PDE1C: variants seen among roughly 807,000 people sequenced by gnomAD.
PDE1C encodes the protein dual specificity calcium/calmodulin-dependent 3',5'-cyclic nucleotide phosphodiesterase 1C.
A neutral mutation model predicts 93.1 loss-of-function variants in PDE1C; 62 were observed. The ratio of observed to expected loss-of-function variants is 0.67; its 90% CI spans 0.54 to 0.82. The LOEUF is 0.82. PDE1C is among the 40% of genes least tolerant of loss of function. PDE1C has a pLI of 0.00. For missense variants in PDE1C, 742 were observed against 884.6 expected (o/e 0.84, Z 2.04); for synonymous variants, 325 against 310.1 (o/e 1.05, Z -0.50).
At chr7:32,272,668 C>CCCAG (rs1437698684) in intron 1 of PDE1C, among the ~76,000 whole-genome samples, 1 of 152,148 alleles carries the variant, frequency 6.6e-6, no homozygotes, top group Non-Finnish European at 1.5e-5. Context: ...GTGCAATGGA[C>CCCAG]CCAGTCCCAT....
chr7:32,042,326 C>CA (rs919855411), intron 2 of PDE1C, among the ~76,000 whole-genome samples: 6 of 151,800 alleles, frequency 4.0e-5, no homozygotes, highest in East Asian at 1.9e-4. Flanking sequence ...AGAAAACAGA[C>CA]AAAAAAAACT....
At chr7:32,297,834 CCT>C (rs1412018166) in intron 1 of PDE1C, among the ~76,000 whole-genome samples, 1 of 152,010 alleles carries the variant, frequency 6.6e-6, no homozygotes, top group East Asian at 1.9e-4. Context: ...CTCCCTGCGG[CCT>C]CTCTCTCAGA....
chr7:31,988,616 G>A (rs1006462747), intron 2 of PDE1C, among the ~76,000 whole-genome samples: 1 of 152,266 alleles, frequency 6.6e-6, no homozygotes, highest in African/African-American at 2.4e-5. Context: ...AGCTACTTGG[G>A]AGACTGAAGC....
chr7:32,311,749 G>A (rs1426354603), intron 1 of PDE1C, among the ~76,000 whole-genome samples: 25 of 152,000 alleles, frequency 1.6e-4, no homozygotes, highest in East Asian at 7.7e-4. Flanking sequence ...TTGATGGGAC[G>A]TATCTCAAAA....
At chr7:32,208,376 C>T (rs969155591) in intron 2 of PDE1C, among the ~76,000 whole-genome samples, 3 of 152,018 alleles carry the variant, frequency 2.0e-5, no homozygotes, top group African/African-American at 4.8e-5. Context: ...TCCTCCCTGG[C>T]CACAATTTCA....
intron 1 of PDE1C, among the ~76,000 whole-genome samples, chr7:32,065,425 C>T (rs1795284053): frequency 6.6e-6 from 1 of 152,176 alleles, no homozygotes; most frequent in African/African-American, 2.4e-5. Context: ...AGAATGAATA[C>T]ACAATTCACT....
chr7:31,972,183 C>T (rs958473480), intron 2 of PDE1C, among the ~76,000 whole-genome samples: 5 of 152,128 alleles, frequency 3.3e-5, no homozygotes, highest in African/African-American at 9.7e-5. Flanking sequence ...TATACAACCA[C>T]GTATTATTAA....
chr7:31,809,425 T>C (rs778303397), intron 15 of PDE1C, among the ~76,000 whole-genome samples: 33 of 152,190 alleles, frequency 2.2e-4, no homozygotes, highest in Non-Finnish European at 4.1e-4. Flanking sequence ...TTCTACCAAT[T>C]AATAGCTATT....
At chr7:31,985,824 T>C (rs1271258372) in intron 2 of PDE1C, among the ~76,000 whole-genome samples, 6 of 152,252 alleles carry the variant, frequency 3.9e-5, no homozygotes, top group Admixed American at 3.9e-4. Context: ...CTATCATTGA[T>C]GGACATTTGG....
intron 1 of PDE1C, among the ~76,000 whole-genome samples, chr7:32,343,035 T>G (rs1405793353): frequency 1.3e-5 from 2 of 152,156 alleles, no homozygotes; most frequent in Non-Finnish European, 2.9e-5. Context: ...AGGGCTCCTG[T>G]GAAATAGTTA....
intron 14 of PDE1C, among the ~76,000 whole-genome samples, chr7:31,822,302 G>A (rs1262181581): frequency 1.3e-5 from 2 of 152,070 alleles, no homozygotes; most frequent in Non-Finnish European, 1.5e-5. Flanking sequence ...TCCCTACCTG[G>A]AATCAGACAT....
Position 31,815,915 on chromosome 7 carries a change from T to A in PDE1C, c.1813+9A>T, listed in dbSNP as rs368844142. The A allele has an allele frequency of 8.2e-6, 13 of 1,578,988 alleles. No homozygotes were observed. The highest frequency in any genetic ancestry group is 1.1e-5 in the Non-Finnish European group (13 of 1,147,994). On this transcript the variant is annotated intron_variant, in intron 15 of 17. Transcript: ENST00000396191. Reference sequence around the variant, plus strand: ...GAAAAGAGCCCTTCACCAGTGTAAGTCTACTCACCATTCTGTTGCTGTTCT... The same window carrying A: ...GAAAAGAGCCCTTCACCAGTGTAAGACTACTCACCATTCTGTTGCTGTTCT...
chr7:32,073,230 T>A (rs1796164892), upstream of PDE1C, among the ~76,000 whole-genome samples: 1 of 152,118 alleles, frequency 6.6e-6, no homozygotes, highest in Non-Finnish European at 1.5e-5. Context: ...GCAAAAACAT[T>A]TTTTTTAAGT....
At chr7:31,649,640 T>A in the PDE1C span, among the ~76,000 whole-genome samples, 1 of 152,160 alleles carries the variant, frequency 6.6e-6, no homozygotes, top group Non-Finnish European at 1.5e-5. Flanking sequence ...GTGGGTCTGA[T>A]AGAGATGGCT....
the PDE1C span, among the ~76,000 whole-genome samples, chr7:31,686,433 T>C: frequency 6.6e-6 from 1 of 152,208 alleles, no homozygotes; most frequent in African/African-American, 2.4e-5. Context: ...TTGGCTTTGT[T>C]CCTTTGAAGG....
At chr7:32,308,957 C>A (rs1304301335) in intron 1 of PDE1C, among the ~76,000 whole-genome samples, 2 of 151,530 alleles carry the variant, frequency 1.3e-5, no homozygotes, top group Non-Finnish European at 2.9e-5. Context: ...CTCCGAGCTA[C>A]AGGAGGAAAC....
intron 2 of PDE1C, among the ~76,000 whole-genome samples, chr7:31,891,045 A>G (rs574103938): frequency 6.6e-6 from 1 of 152,172 alleles, no homozygotes; most frequent in African/African-American, 2.4e-5. Context: ...TGTGACTCAG[A>G]ACTCTAAATG....
chr7:32,234,450 G>A (rs1367400443), intron 1 of PDE1C, among the ~76,000 whole-genome samples: 1 of 151,898 alleles, frequency 6.6e-6, no homozygotes, highest in Non-Finnish European at 1.5e-5. Flanking sequence ...CACAGACCCT[G>A]CAGACATTGA....
intron 2 of PDE1C, among the ~76,000 whole-genome samples, chr7:32,173,697 G>A (rs1802797124): frequency 6.6e-6 from 1 of 152,168 alleles, no homozygotes; most frequent in African/African-American, 2.4e-5. Context: ...GGGATAGGCA[G>A]ATAGAAAATG....
Sources: allele counts gnomAD v4.1 joint callset (sites outside exome capture counted in the v4.1 genomes callset), GRCh38; gene constraint gnomAD v4.1.1; transcripts MANE v1.5; gene names NCBI Gene and HGNC (gene_info 2026-07-23, HGNC 2026-07-21).